Variants in PSMD1 observed in about 807,000 individuals in gnomAD.
The protein encoded by PSMD1 is 26S proteasome non-ATPase regulatory subunit 1.
In PSMD1, 18 loss-of-function variants were observed where a neutral mutation model predicts 119.0. The ratio of observed to expected loss-of-function variants is 0.15; its 90% CI spans 0.10 to 0.22. PSMD1 has a LOEUF of 0.22. Ranked by LOEUF, PSMD1 falls within the 10% of genes least tolerant of loss-of-function variation. The pLI is 1.00. For synonymous variants in PSMD1, 374 were observed against 396.6 expected (o/e 0.94, Z 0.68); for missense variants, 702 against 1,158.5 (o/e 0.61, Z 5.72).
chr2:231,070,603 T>C (rs1260970778), intron 6 of PSMD1, among the ~76,000 whole-genome samples: 2 of 152,116 alleles, frequency 1.3e-5, no homozygotes, highest in Admixed American at 6.5e-5. Flanking sequence ...TCTCTTTCTA[T>C]ATATAAATTT....
chr2:231,098,577 C>CT (rs1694783551), intron 16 of PSMD1, among the ~76,000 whole-genome samples: 1 of 151,742 alleles, frequency 6.6e-6, no homozygotes, highest in African/African-American at 2.4e-5. Flanking sequence ...CTCTCTCTCT[C>CT]CCCTCTCTGC....
chr2:231,142,026 G>A (rs1696132348), intron 17 of PSMD1, among the ~76,000 whole-genome samples: 1 of 152,076 alleles, frequency 6.6e-6, no homozygotes, highest in African/African-American at 2.4e-5. Flanking sequence ...GGGATTACAG[G>A]CATGTGCCAC....
chr2:231,067,299 C>T (rs1192343028), intron 5 of PSMD1, among the ~76,000 whole-genome samples, 188 bp downstream of exon 5: 1 of 152,132 alleles, frequency 6.6e-6, no homozygotes, highest in East Asian at 1.9e-4. Context: ...CATGAAATAT[C>T]TGCTTTTATC....
chr2:231,158,682 C>G (rs1347970020), intron 19 of PSMD1, among the ~76,000 whole-genome samples: 4 of 152,178 alleles, frequency 2.6e-5, no homozygotes, highest in Non-Finnish European at 5.9e-5. Context: ...GTTACTATGT[C>G]TTAGTGAAAT....
intron 4 of PSMD1, among the ~76,000 whole-genome samples, chr2:231,063,419 A>G (rs961272364): frequency 1.3e-5 from 2 of 152,258 alleles, no homozygotes; most frequent in Non-Finnish European, 2.9e-5. Flanking sequence ...TTGGATTCAT[A>G]GTACAGAGAG....
chr2:231,123,118 A>G (rs1695602842), intron 16 of PSMD1, among the ~76,000 whole-genome samples: 1 of 152,198 alleles, frequency 6.6e-6, no homozygotes, highest in South Asian at 2.1e-4. Context: ...ACTATAATTT[A>G]TAGATAATAT....
chr2:231,110,870 C>T (rs1258889843), intron 16 of PSMD1, among the ~76,000 whole-genome samples: 14 of 152,196 alleles, frequency 9.2e-5, no homozygotes, highest in Admixed American at 6.5e-4. Context: ...AAACCATATA[C>T]GCCCTGCAAG....
chr2:231,067,149 A>G (rs746799549), intron 5 of PSMD1, 38 bp downstream of exon 5: 3 of 1,445,434 alleles, frequency 2.1e-6, no homozygotes. Flanking sequence ...TATTGTTGAT[A>G]GGGAATCAGC....
At chr2:231,079,507 T>A in intron 10 of PSMD1, 29 bp from the exon 11 acceptor site, 1 of 1,472,920 alleles carries the variant, frequency 6.8e-7, no homozygotes, top group Non-Finnish European at 9.4e-7. Flanking sequence ...GTTTTAACAC[T>A]AATTAAAATA....
At chr2:231,151,803 ATTTTTT>A (rs57347945) in intron 18 of PSMD1, among the ~76,000 whole-genome samples, 2 of 95,638 alleles carry the variant, frequency 2.1e-5, no homozygotes, top group African/African-American at 1.0e-4. Context: ...AAACATGAGA[ATTTTTT>A]TTTTTTTTTT....
intron 11 of PSMD1, 38 bp downstream of exon 11, chr2:231,079,652 A>G: frequency 7.5e-7 from 1 of 1,339,038 alleles, no homozygotes; most frequent in Middle Eastern, 1.9e-4. Context: ...GCATCAGAAA[A>G]GAAGTAATTT....
chr2:231,136,570 C>T (rs1695970529), intron 16 of PSMD1, among the ~76,000 whole-genome samples: 1 of 152,166 alleles, frequency 6.6e-6, no homozygotes, highest in African/African-American at 2.4e-5. Flanking sequence ...ATCATCATTC[C>T]ATTTATCTGC....
intron 16 of PSMD1, among the ~76,000 whole-genome samples, chr2:231,104,192 G>A (rs1574731155): frequency 1.3e-5 from 2 of 151,996 alleles, no homozygotes; most frequent in East Asian, 1.9e-4. Flanking sequence ...GGAAGTTGAC[G>A]GTCATTTAAA....
Position 231,165,079 on chromosome 2 carries a change from T to C in PSMD1, c.2482-121T>C, listed in dbSNP as rs573632804. On this transcript the variant is annotated intron_variant, in intron 21 of 24. Coordinates refer to ENST00000308696, the MANE Select transcript of PSMD1 (RefSeq NM_002807.4). ...ATATATATATATATATATATATATA[T>C]ATATATATATATGTAATACAGCTAG... is the stretch of plus-strand genomic sequence containing the variant. 1.4e-4 allele frequency: 18 copies of C among 127,588 alleles called. No individual in the cohort carries two copies. In the East Asian group the frequency reaches 3.3e-3, roughly 23 times the overall value. The allele number at this position is 127,588 out of a possible 1,614,324, so 7.9% of individuals were successfully genotyped here. A position where few individuals can be genotyped will look rare whatever the true frequency, so the allele number is the denominator to read the frequency against.
intron 15 of PSMD1, among the ~76,000 whole-genome samples, chr2:231,085,857 G>A (rs1490611859): frequency 1.3e-5 from 2 of 152,086 alleles, no homozygotes; most frequent in Non-Finnish European, 2.9e-5. Context: ...CTGGGAAAAG[G>A]TAAACCAAGG....
intron 15 of PSMD1, 22 bp downstream of exon 15, chr2:231,085,136 G>C: frequency 6.3e-7 from 1 of 1,596,550 alleles, no homozygotes; most frequent in Non-Finnish European, 8.6e-7. Flanking sequence ...GACCTTTCTT[G>C]GGAATGGGGT....
intron 19 of PSMD1, among the ~76,000 whole-genome samples, chr2:231,154,755 C>A (rs1197606139): frequency 2.0e-5 from 3 of 152,196 alleles, no homozygotes; most frequent in African/African-American, 7.2e-5. Flanking sequence ...AGCTGTGAAC[C>A]ACTGTGCCCA....
chr2:231,092,565 C>A (rs906687806), intron 16 of PSMD1, among the ~76,000 whole-genome samples: 6 of 152,164 alleles, frequency 3.9e-5, no homozygotes, highest in African/African-American at 1.4e-4. Flanking sequence ...TCTGGGATAT[C>A]CCGTCCCTCC....
chr2:231,121,968 G>T (rs1240218684), intron 16 of PSMD1, among the ~76,000 whole-genome samples: 1 of 134,352 alleles, frequency 7.4e-6, no homozygotes, highest in South Asian at 2.3e-4. Context: ...TCATATGCCT[G>T]TACAGTATTT....
Sources: gnomAD v4.1 joint callset for allele counts (sites outside exome capture counted in the v4.1 genomes callset) on GRCh38, gnomAD v4.1.1 for gene constraint, MANE v1.5 for transcripts, NCBI Gene and HGNC (gene_info 2026-07-23, HGNC 2026-07-21) for gene names.